Variants in TRAM1 observed in about 807,000 individuals in gnomAD.
TRAM1 encodes translocation associated membrane protein 1, also known as translocating chain-associated membrane protein 1.
In TRAM1, 17 loss-of-function variants were observed where a neutral mutation model predicts 48.7. The ratio of observed to expected loss-of-function variants is 0.35; its 90% CI spans 0.24 to 0.52. TRAM1 has a LOEUF of 0.52. TRAM1 is among the 20% of genes least tolerant of loss of function. The pLI is 0.94. For missense variants in TRAM1, 351 were observed against 441.5 expected (o/e 0.79, Z 1.84); for synonymous variants, 182 against 154.0 (o/e 1.18, Z -1.34).
chr8:70,601,420 C>G (rs1261108842), intron 1 of TRAM1, among the ~76,000 whole-genome samples: 1 of 152,204 alleles, frequency 6.6e-6, no homozygotes, highest in Non-Finnish European at 1.5e-5. Flanking sequence ...TAGAGTAGGT[C>G]ATTTCCTTTG....
In TRAM1 at chr8:70,587,191, AT is replaced by A; in HGVS notation, c.571-16del. ...GGAATATCTTCCTGTAAAAAAATAC[AT>A]TATAGATTAAAACATGCTAAAACAT... On this transcript the variant is annotated splice_polypyrimidine_tract_variant and intron_variant, in intron 6 of 10. Transcript: ENST00000262213. 2.5e-6 allele frequency: 4 copies of A among 1,608,682 alleles called. No individual in the cohort carries two copies. The highest frequency in any genetic ancestry group is 3.4e-6 in the Non-Finnish European group (4 of 1,175,446).
At chr8:70,582,239 T>C (rs1817091060) in intron 10 of TRAM1, among the ~76,000 whole-genome samples, 1 of 152,168 alleles carries the variant, frequency 6.6e-6, no homozygotes, top group Non-Finnish European at 1.5e-5. Context: ...TTTGATGTTA[T>C]TTCAACTTAA....
intron 4 of TRAM1, among the ~76,000 whole-genome samples, chr8:70,597,175 A>G (rs969242272): frequency 6.6e-6 from 1 of 152,238 alleles, no homozygotes; most frequent in Admixed American, 6.5e-5. Context: ...CACTAATATT[A>G]AAGCAAATAC....
chr8:70,602,335 G>T (rs2132045606), intron 1 of TRAM1, among the ~76,000 whole-genome samples: 1 of 152,268 alleles, frequency 6.6e-6, no homozygotes, highest in East Asian at 1.9e-4. Flanking sequence ...TTGTTTTCAG[G>T]ATAGGAGAGA....
At chr8:70,594,619 CT>C in intron 5 of TRAM1, 29 bp from the exon 6 acceptor site, 1 of 1,516,712 alleles carries the variant, frequency 6.6e-7, no homozygotes, top group Non-Finnish European at 8.9e-7. Context: ...TGAAGAGTAC[CT>C]TTTAAAGCAT....
intron 6 of TRAM1, among the ~76,000 whole-genome samples, chr8:70,589,103 C>G (rs1410483782): frequency 6.6e-6 from 1 of 152,118 alleles, no homozygotes; most frequent in Non-Finnish European, 1.5e-5. Context: ...AAACTCTTCT[C>G]TAGTAAGCAT....
intron 10 of TRAM1, among the ~76,000 whole-genome samples, 173 bp downstream of exon 10, chr8:70,582,990 CA>C (rs1381658001): frequency 6.6e-6 from 1 of 152,168 alleles, no homozygotes; most frequent in African/African-American, 2.4e-5. Context: ...TTTCCTCACC[CA>C]AGGGATCACC....
chr8:70,590,584 C>T (rs993618564), intron 6 of TRAM1, among the ~76,000 whole-genome samples: 3 of 152,164 alleles, frequency 2.0e-5, no homozygotes, highest in African/African-American at 7.2e-5. Flanking sequence ...CTGTAGCCTC[C>T]AACTCCAGGG....
chr8:70,574,140 GC>G lies in TRAM1; in HGVS notation c.*791del. 3.0e-6 allele frequency: 1 copy of G among 334,964 alleles called. No individual in the cohort carries two copies. The highest frequency in any genetic ancestry group is 5.7e-6 in the Non-Finnish European group (1 of 176,904). The allele number at this position is 334,964 out of a possible 1,614,324, so 20.7% of individuals were successfully genotyped here. A position where few individuals can be genotyped will look rare whatever the true frequency, so the allele number is the denominator to read the frequency against. On this transcript the variant is annotated 3_prime_UTR_variant, in exon 11 of 11. Coordinates refer to ENST00000262213, the MANE Select transcript of TRAM1 (RefSeq NM_014294.6). ...GCTGTGCATATTAAACTTATTATGA[GC>G]CCCATTAAGAATCATTATTAATAAA...
chr8:70,588,423 A>C (rs1169090629), intron 6 of TRAM1, among the ~76,000 whole-genome samples: 4 of 151,950 alleles, frequency 2.6e-5, no homozygotes, highest in African/African-American at 7.3e-5. Context: ...CCATCTCTAC[A>C]AAAAAATGTT....
chr8:70,607,289 C>G (rs1045336551), intron 1 of TRAM1: 1 of 985,226 alleles, frequency 1.0e-6, no homozygotes, highest in African/African-American at 1.7e-5. Flanking sequence ...CATTCCCATC[C>G]TCTCCTACTT....
At position 70,586,909 on chromosome 8, in the gene TRAM1, T is replaced by G; in HGVS notation, c.732A>C (p.Glu244Asp). 6.2e-7 allele frequency: 1 copy of G among 1,613,674 alleles called. No homozygotes were observed. Among genetic ancestry groups the G allele is most frequent in the Middle Eastern group, 1.7e-4 (1 of 6,056 alleles). Residue 244 changes from glutamate (E) to aspartate (D), a missense_variant, in exon 8 of 11, where the codon GAA (glutamate) becomes GAC (aspartate). Transcript: ENST00000262213. ...AAACAACTTACCCTTTCTGATACTTTTCATTGCTAAAATAAAACAGGCGGG... is the reference window on the plus strand; with the variant it reads ...AAACAACTTACCCTTTCTGATACTTGTCATTGCTAAAATAAAACAGGCGGG... ...HISRLFYFSN[E>D]KYQKGFSLWA...
At chr8:70,580,335 G>C (rs1430011854) in intron 10 of TRAM1, among the ~76,000 whole-genome samples, 1 of 152,066 alleles carries the variant, frequency 6.6e-6, no homozygotes, top group Non-Finnish European at 1.5e-5. Context: ...TCCATCAAGA[G>C]ATAAAAAGGA....
At chr8:70,588,929 G>C (rs912253779) in intron 6 of TRAM1, among the ~76,000 whole-genome samples, 2 of 152,166 alleles carry the variant, frequency 1.3e-5, no homozygotes, top group Admixed American at 6.5e-5. Flanking sequence ...CTGCTGGCAG[G>C]CTGAACTGTG....
intron 10 of TRAM1, 53 bp from the exon 11 acceptor site, chr8:70,575,058 A>G (rs1030798092): frequency 7.8e-7 from 1 of 1,283,388 alleles, no homozygotes; most frequent in Middle Eastern, 2.1e-4. Flanking sequence ...AATGCAAGTT[A>G]TAATCTTTAT....
chr8:70,595,361 G>A (rs746605795), intron 5 of TRAM1, among the ~76,000 whole-genome samples: 5 of 151,896 alleles, frequency 3.3e-5, no homozygotes, highest in African/African-American at 4.8e-5. Flanking sequence ...TACAAAGTTC[G>A]TTGAACTAAT....
intron 6 of TRAM1, among the ~76,000 whole-genome samples, chr8:70,589,764 G>A (rs1205053609): frequency 3.3e-5 from 5 of 152,150 alleles, no homozygotes. Context: ...CTTAAGCCTG[G>A]CAGGTTGAGG....
chr8:70,583,170 C>G lies in TRAM1; in HGVS notation c.1045G>C (p.Gly349Arg). ...TTGCTTACTGAATACAAACCTGTTCCTTTTTTAGAAGATCTGCCTTTAGTT... is the reference window on the plus strand; with the variant it reads ...TTGCTTACTGAATACAAACCTGTTCGTTTTTTAGAAGATCTGCCTTTAGTT... ...TVTKGRSSKK[G>R]TENGVNGTLT... The change falls in exon 10 of 11, where the codon GGA becomes CGA. Residue 349 changes from glycine to arginine, a missense_variant. Gly to Arg is a moderately radical substitution (Grantham distance 125, BLOSUM62 -2). Transcript: ENST00000262213. 1 of 1,612,716 alleles carries G rather than the reference C, an allele frequency of 6.2e-7. No homozygotes were observed. The highest frequency in any genetic ancestry group is 8.5e-7 in the Non-Finnish European group (1 of 1,179,634).
intron 6 of TRAM1, among the ~76,000 whole-genome samples, chr8:70,593,712 A>C (rs2132037466): frequency 6.6e-6 from 1 of 152,154 alleles, no homozygotes; most frequent in Non-Finnish European, 1.5e-5. Context: ...AAAACTAGAG[A>C]CTATCAGTGT....
Sources: gnomAD v4.1 joint callset for allele counts (sites outside exome capture counted in the v4.1 genomes callset) on GRCh38, gnomAD v4.1.1 for gene constraint, MANE v1.5 for transcripts, NCBI Gene and HGNC (gene_info 2026-07-23, HGNC 2026-07-21) for gene names.